MPI: variants seen among roughly 807,000 people sequenced by gnomAD.
MPI encodes mannose phosphate isomerase.
In MPI, 33 loss-of-function variants were observed where a neutral mutation model predicts 40.1. The ratio of observed to expected loss-of-function variants is 0.82; its 90% confidence interval spans 0.62 to 1.10. MPI has a LOEUF of 1.10. MPI is among the 50% of genes least tolerant of loss of function. MPI has a pLI of 0.00. For synonymous variants in MPI, 187 were observed against 207.4 expected, an observed-to-expected ratio of 0.90 and a Z score of 0.85; for missense variants, 514 against 524.1, an observed-to-expected ratio of 0.98 and a Z score of 0.19.
At position 74,900,336 on chromosome 15, in the gene MPI, AG is replaced by A. The variant is rs796314987; in HGVS notation, c.*2609del. The A allele has an allele frequency of 1.3e-5, 2 of 152,444 alleles. No individual in the cohort carries two copies. The highest frequency in any genetic ancestry group is 2.4e-5 in the African/African-American group (1 of 41,572). The allele number at this position is 152,444 out of a possible 1,614,324, so 9.4% of individuals were successfully genotyped here. On this transcript the variant is annotated 3_prime_UTR_variant, in exon 8 of 8. Coordinates refer to ENST00000352410, the MANE Select transcript of MPI (RefSeq NM_002435.3). ...CAGCCAGCTCAGAAACCTCTTCTTC[AG>A]GGACAGTTGCAGCTGAATATGCCAG...
In MPI at chr15:74,896,199, C is replaced by T. The variant is rs776340315; in HGVS notation, c.718C>T (p.Gln240Ter). ...GGACATCTTTGGGGAGCTTTTGCTA[C>T]AGCTGCACCAGCAGTACCCAGGTGA... Reference protein sequence around the residue: ...MEDIFGELLLQLHQQYPGDIG... With the variant: ...MEDIFGELLL Residue 240 changes from glutamine to a stop codon, truncating the protein, a stop_gained, in exon 6 of 8, where the codon CAG becomes TAG. Transcript: ENST00000352410. LOFTEE classifies it high-confidence loss of function. 5.6e-6 allele frequency: 9 copies of T among 1,614,060 alleles called. No homozygotes were observed. Among genetic ancestry groups the T allele is most frequent in the African/African-American group, 1.3e-5 (1 of 74,912 alleles).
intron 5 of MPI, 81 bp from the exon 6 acceptor site, chr15:74,896,071 T>C (rs2141206298): frequency 6.4e-7 from 1 of 1,554,444 alleles, no homozygotes; most frequent in Admixed American, 1.7e-5. Flanking sequence ...GACCTTTTCC[T>C]AGGACTCCCT....
intron 1 of MPI, chr15:74,890,315 C>A (rs2064704852): frequency 1.2e-6 from 1 of 847,636 alleles, no homozygotes; most frequent in Non-Finnish European, 1.9e-6. Flanking sequence ...TCCCCGCCAC[C>A]CTGCCTCAGA....
At chr15:74,890,347 T>C in intron 1 of MPI, 180 bp from the exon 2 acceptor site, 1 of 891,892 alleles carries the variant, frequency 1.1e-6, no homozygotes. Flanking sequence ...TCCTTACTGC[T>C]GCCCATCTGA....
intron 5 of MPI, among the ~76,000 whole-genome samples, chr15:74,894,142 G>T (rs1316412179): frequency 8.1e-6 from 1 of 123,070 alleles, no homozygotes; most frequent in African/African-American, 2.5e-5. Flanking sequence ...GGAGTGCAGT[G>T]GTGCGATCTT....
intron 2 of MPI, 152 bp downstream of exon 2, chr15:74,890,806 A>C (rs1054889865): frequency 9.8e-7 from 1 of 1,021,434 alleles, no homozygotes; most frequent in Non-Finnish European, 1.5e-6. Flanking sequence ...TAGTGTTATC[A>C]AAAAGAAGAG....
chr15:74,891,695 A>C, intron 3 of MPI, 116 bp downstream of exon 3: 2 of 1,155,870 alleles, frequency 1.7e-6, no homozygotes, highest in Non-Finnish European at 2.6e-6. Context: ...CCCAAGGCCA[A>C]ATCCAGGCTG....
chr15:74,892,775 G>T lies in MPI; in HGVS notation c.460G>T (p.Val154Phe). The change falls in exon 4 of 8, where the codon GTT (valine) becomes TTT (phenylalanine). Residue 154 changes from valine to phenylalanine, a missense_variant. Transcript: ENST00000352410. Reference protein sequence around the residue: ...PFQGLCGFRPVEEIVTFLKKV... With the variant: ...PFQGLCGFRPFEEIVTFLKKV... ...CCAGGGCTTGTGTGGCTTCCGGCCA[G>T]TTGAGGAGATTGTAACCTTTCTAAA... 1.2e-6 allele frequency: 2 copies of T among 1,614,286 alleles called. No individual in the cohort carries two copies. Among genetic ancestry groups the T allele is most frequent in the Non-Finnish European group, 1.7e-6 (2 of 1,180,052 alleles).
At chr15:74,896,055 G>A in intron 5 of MPI, 97 bp from the exon 6 acceptor site, 1 of 1,468,318 alleles carries the variant, frequency 6.8e-7, no homozygotes, top group Non-Finnish European at 9.4e-7. Flanking sequence ...GGATTCCTGT[G>A]GCAGGGACCT....
intron 3 of MPI, among the ~76,000 whole-genome samples, chr15:74,892,142 C>T (rs1038236863): frequency 2.0e-5 from 3 of 152,098 alleles, no homozygotes; most frequent in Admixed American, 6.5e-5. Context: ...TACAGGCACG[C>T]GCCACCACAC....
Position 74,897,995 on chromosome 15 carries a change from C to G in MPI, c.*265C>G. On this transcript the variant is annotated 3_prime_UTR_variant, in exon 8 of 8. Transcript: ENST00000352410. Reference sequence around the variant, plus strand: ...TACTCCTCGCTACACCTGAGCCAGGCTCTTGCCAACTCTGTTCCAGCCTAT... The same window carrying G: ...TACTCCTCGCTACACCTGAGCCAGGGTCTTGCCAACTCTGTTCCAGCCTAT... 1 of 521,772 alleles carries G rather than the reference C, an allele frequency of 1.9e-6. No homozygotes were observed. Among genetic ancestry groups the G allele is most frequent in the East Asian group, 3.5e-5 (1 of 28,224 alleles). 32.3% of individuals were successfully genotyped at this position (521,772 alleles called of 1,614,324 possible).
rs186045258 is a variant in MPI at position 74,890,672 on chromosome 15, T to A, written c.144+18T>A. On this transcript the variant is annotated intron_variant, in intron 2 of 7. Transcript: ENST00000352410. ...ATGCAGAGGTGAGCCCCGGGCTGTATTTCAGCCCACTTTACCCGCAGGTCA... is the reference window on the plus strand; with the variant it reads ...ATGCAGAGGTGAGCCCCGGGCTGTAATTCAGCCCACTTTACCCGCAGGTCA... 1,209 of 1,612,722 alleles carry A rather than the reference T, an allele frequency of 7.5e-4. 10 individuals are homozygous for A. In the African/African-American group the frequency reaches 0.014, roughly 19 times the overall value.
In MPI at chr15:74,897,539, G is replaced by A. The variant is rs751874530; in HGVS notation, c.1081G>A (p.Val361Ile). ...EVPGSVTEYKVLALDSASILL... is the reference protein window; with the variant it reads ...EVPGSVTEYKILALDSASILL... ...CCCTGGCTCTGTCACTGAATACAAG[G>A]TCTTGGCACTGGACTCTGCCAGCAT... The change falls in exon 8 of 8, where the codon GTC becomes ATC. Residue 361 changes from valine to isoleucine, a missense_variant. Coordinates refer to ENST00000352410, the MANE Select transcript of MPI (RefSeq NM_002435.3). 2.9e-5 allele frequency: 46 copies of A among 1,613,930 alleles called. No individual in the cohort carries two copies. In the South Asian group the frequency reaches 4.8e-4, roughly 17 times the overall value.
chr15:74,891,568 C>T lies in MPI; in HGVS notation c.334C>T (p.His112Tyr). 6.2e-7 allele frequency: 1 copy of T among 1,614,172 alleles called. No individual in the cohort carries two copies. The change falls in exon 3 of 8, where the codon CAC becomes TAC. Residue 112 changes from histidine (H) to tyrosine (Y), a missense_variant. By Grantham distance (83) the His-to-Tyr change is moderately conservative (BLOSUM62 2). Transcript: ENST00000352410. ...SVETPLSIQA[H>Y]PNKELAEKLH... is the part of the protein sequence containing the mutation. ...TGAAACACCCCTGTCCATCCAGGCA[C>T]ACCCTAACAAGGTAAAGGACAGAGT...
At position 74,897,759 on chromosome 15, in the gene MPI, C is replaced by A; in HGVS notation, c.*29C>A. 6.2e-7 allele frequency: 1 copy of A among 1,605,546 alleles called. No individual in the cohort carries two copies. Among genetic ancestry groups the A allele is most frequent in the Non-Finnish European group, 8.5e-7 (1 of 1,173,372 alleles). The stretch of plus-strand genomic sequence containing the variant: ...CTGCAGCCTCCCCAGCTCTCCTCTG[C>A]CAGCCACCCTAAATTCCAGCCAACC... On this transcript the variant is annotated 3_prime_UTR_variant, in exon 8 of 8. Transcript: ENST00000352410.
chr15:74,897,605 A>C lies in MPI; in HGVS notation c.1147A>C (p.Thr383Pro). Residue 383 changes from threonine to proline, a missense_variant, in exon 8 of 8, where the codon ACA (threonine) becomes CCA (proline). Transcript: ENST00000352410. ...VQGTVIASTPTTQTPIPLQRG... is the reference protein window; with the variant it reads ...VQGTVIASTPPTQTPIPLQRG... ...GGGGACAGTAATAGCCAGCACACCC[A>C]CAACCCAGACACCAATCCCTCTGCA... The C allele has an allele frequency of 6.2e-7, 1 of 1,614,212 alleles. No homozygotes were observed. Among genetic ancestry groups the C allele is most frequent in the Non-Finnish European group, 8.5e-7 (1 of 1,180,032 alleles).
At chr15:74,896,946 G>T in intron 6 of MPI, 65 bp from the exon 7 acceptor site, 1 of 1,500,810 alleles carries the variant, frequency 6.7e-7, no homozygotes, top group Non-Finnish European at 9.3e-7. Flanking sequence ...CTCAGGTTAG[G>T]AGGCCCAGAA....
At chr15:74,892,562 A>G in intron 3 of MPI, 99 bp from the exon 4 acceptor site, 1 of 1,542,734 alleles carries the variant, frequency 6.5e-7, no homozygotes, top group Non-Finnish European at 8.9e-7. Flanking sequence ...CCATCCTGCA[A>G]CTGGGGAGGG....
rs534567651 is a variant in MPI, at chr15:74,897,430, G to C, written c.1054-82G>C. On this transcript the variant is annotated intron_variant, in intron 7 of 7. Coordinates refer to ENST00000352410, the MANE Select transcript of MPI (RefSeq NM_002435.3). ...CGAGAAGGTGGCAGAGCTCTCCCTC[G>C]TGCCCTGGGGACTGTCCTGGGCCCA... 2.1e-6 allele frequency: 3 copies of C among 1,439,256 alleles called. No individual in the cohort carries two copies. In the African/African-American group the frequency reaches 4.2e-5, roughly 20 times the overall value. 89.2% of individuals were successfully genotyped at this position (1,439,256 alleles called of 1,614,324 possible).
Sources: allele counts gnomAD v4.1 joint callset (sites outside exome capture counted in the v4.1 genomes callset), GRCh38; gene constraint gnomAD v4.1.1; transcripts MANE v1.5; gene names NCBI Gene and HGNC (gene_info 2026-07-23, HGNC 2026-07-21).